The following TTLL11 variants were observed in gnomAD, a reference collection of about 807,000 sequenced individuals.
TTLL11 encodes the protein tubulin tyrosine ligase like 11.
Under a neutral mutation model 51.7 loss-of-function variants are expected in TTLL11, and 42 were observed. The observed-to-expected ratio is 0.81, with a 90% CI of 0.64 to 1.05. TTLL11 has a LOEUF of 1.05. Among genes scored for constraint, TTLL11 ranks in the 50% least tolerant of loss-of-function variants. The probability of loss-of-function intolerance (pLI) is 0.00; values close to 1 mark genes in which losing one functional copy is unlikely to be tolerated. For synonymous variants in TTLL11, 381 were observed against 383.5 expected (o/e 0.99, Z 0.08); for missense variants, 799 against 940.4 (o/e 0.85, Z 1.97).
At chr9:122,022,465 A>T (rs1012123939) in intron 3 of TTLL11, among the ~76,000 whole-genome samples, 5 of 152,090 alleles carry the variant, frequency 3.3e-5, no homozygotes, top group African/African-American at 1.2e-4. Context: ...TATAAGCAAG[A>T]AGACAGAAGA....
At chr9:121,934,457 A>G (rs1202886693) in intron 6 of TTLL11, among the ~76,000 whole-genome samples, 11 of 152,210 alleles carry the variant, frequency 7.2e-5, no homozygotes, top group Admixed American at 7.2e-4. Context: ...AATATCGTGA[A>G]GCTGTCAAGC....
intron 1 of TTLL11, among the ~76,000 whole-genome samples, chr9:122,042,607 A>G (rs1240798846): frequency 3.9e-5 from 6 of 152,212 alleles, no homozygotes; most frequent in African/African-American, 1.4e-4. Flanking sequence ...TTATATCCAC[A>G]CAAAAATCTG....
intron 6 of TTLL11, among the ~76,000 whole-genome samples, chr9:121,893,408 G>A (rs555330275): frequency 6.6e-6 from 1 of 152,112 alleles, no homozygotes; most frequent in Admixed American, 6.6e-5. Context: ...TTGTGACCAT[G>A]ATTTTACAAA....
rs901326909 is a variant in TTLL11 at position 121,847,319 on chromosome 9, A to T, written c.1840+13018T>A. Among the ~76,000 whole-genome samples, 5 of 152,126 alleles carry T rather than the reference A, an allele frequency of 3.3e-5. No individual in the cohort carries two copies. In the South Asian group the frequency reaches 1.0e-3, roughly 31 times the overall value. On this transcript the variant is annotated intron_variant, in intron 8 of 8. Coordinates refer to ENST00000321582, the MANE Select transcript of TTLL11 (RefSeq NM_001139442.2). The stretch of plus-strand genomic sequence containing the variant: ...AGCTGGTTCTTTGAAAAGCCTTAAG[A>T]TCAATAAAATTGATAAATCTCTAGC...
intron 6 of TTLL11, among the ~76,000 whole-genome samples, chr9:121,958,939 C>A (rs1842116334): frequency 6.6e-6 from 1 of 151,510 alleles, no homozygotes; most frequent in Admixed American, 6.6e-5. Context: ...ACTCAATAGT[C>A]CTTAATCACT....
intron 3 of TTLL11, among the ~76,000 whole-genome samples, chr9:122,002,170 C>T (rs1164014284): frequency 3.3e-5 from 5 of 152,196 alleles, no homozygotes; most frequent in East Asian, 1.9e-4. Context: ...AATGTTAGCC[C>T]GGCACCTGCT....
chr9:121,946,027 G>A (rs1374146012), intron 6 of TTLL11, among the ~76,000 whole-genome samples: 3 of 152,214 alleles, frequency 2.0e-5, no homozygotes, highest in Admixed American at 6.5e-5. Flanking sequence ...GAATGCATCC[G>A]ATGTGGTTCT....
chr9:121,905,650 G>C (rs1839918723), intron 6 of TTLL11, among the ~76,000 whole-genome samples: 1 of 152,140 alleles, frequency 6.6e-6, no homozygotes, highest in African/African-American at 2.4e-5. Flanking sequence ...ACTGCACCCA[G>C]CCATTTAACA....
chr9:122,039,739 G>A (rs942016006), intron 1 of TTLL11, among the ~76,000 whole-genome samples: 5 of 152,130 alleles, frequency 3.3e-5, no homozygotes, highest in African/African-American at 4.8e-5. Context: ...GAGCTGGTAA[G>A]GGGAGGAACC....
chr9:121,964,734 C>T lies in TTLL11; in HGVS notation c.1481+9275G>A, dbSNP rs549167867. ...CTCCTCGAGGCTCCCCCAACAGAGC[C>T]TTGTGCCTTTGTTTTCTTCACTAGG... On this transcript the variant is annotated intron_variant, in intron 6 of 8. Coordinates refer to ENST00000321582, the MANE Select transcript of TTLL11 (RefSeq NM_001139442.2). 3.9e-5 allele frequency among the ~76,000 whole-genome samples: 6 copies of T among 152,286 alleles called. No homozygotes were observed. In the South Asian group the frequency reaches 1.0e-3, roughly 26 times the overall value.
At chr9:121,957,650 C>T (rs1842061420) in intron 6 of TTLL11, among the ~76,000 whole-genome samples, 1 of 152,168 alleles carries the variant, frequency 6.6e-6, no homozygotes, top group Non-Finnish European at 1.5e-5. Flanking sequence ...GAGGCGTGCT[C>T]ACATGGAGCC....
intron 3 of TTLL11, among the ~76,000 whole-genome samples, chr9:122,002,782 C>A (rs531196325): frequency 6.6e-6 from 1 of 151,902 alleles, no homozygotes; most frequent in African/African-American, 2.4e-5. Flanking sequence ...CCCGTCTCTA[C>A]TAAAACTACA....
At chr9:121,883,715 G>A (rs754224061) in intron 6 of TTLL11, among the ~76,000 whole-genome samples, 2 of 152,176 alleles carry the variant, frequency 1.3e-5, no homozygotes, top group African/African-American at 2.4e-5. Flanking sequence ...CATCCAGACA[G>A]TTTGCAGTGG....
intron 8 of TTLL11, among the ~76,000 whole-genome samples, chr9:121,827,034 G>T (rs1836832749): frequency 6.6e-6 from 1 of 152,198 alleles, no homozygotes; most frequent in Non-Finnish European, 1.5e-5. Context: ...AGCCCCTGCA[G>T]GTGCTGGGCA....
chr9:121,952,902 T>C (rs1192079592), intron 6 of TTLL11, among the ~76,000 whole-genome samples: 1 of 152,224 alleles, frequency 6.6e-6, no homozygotes, highest in African/African-American at 2.4e-5. Context: ...ATGAAGGTGA[T>C]ATTTTGGCCC....
intron 6 of TTLL11, among the ~76,000 whole-genome samples, chr9:121,912,732 A>G (rs573025322): frequency 6.6e-6 from 1 of 152,218 alleles, no homozygotes; most frequent in East Asian, 1.9e-4. Context: ...CAGATATTCA[A>G]CACATACATG....
intron 6 of TTLL11, among the ~76,000 whole-genome samples, chr9:121,945,867 T>A (rs1384974951): frequency 2.6e-5 from 4 of 152,156 alleles, no homozygotes; most frequent in African/African-American, 9.7e-5. Flanking sequence ...CCCTGGAAAG[T>A]CACCCTTTCA....
intron 6 of TTLL11, among the ~76,000 whole-genome samples, chr9:121,899,074 C>CT: frequency 6.6e-6 from 1 of 152,236 alleles, no homozygotes; most frequent in Non-Finnish European, 1.5e-5. Context: ...CAATGAGCTG[C>CT]TTACATCACC....
chr9:121,914,712 C>G (rs752721365), intron 6 of TTLL11, among the ~76,000 whole-genome samples: 1 of 152,184 alleles, frequency 6.6e-6, no homozygotes, highest in Non-Finnish European at 1.5e-5. Flanking sequence ...CTCCTGCCTG[C>G]GCTCCTGCAG....
Sources: allele counts gnomAD v4.1 joint callset (sites outside exome capture counted in the v4.1 genomes callset), GRCh38; gene constraint gnomAD v4.1.1; transcripts MANE v1.5; gene names NCBI Gene and HGNC (gene_info 2026-07-23, HGNC 2026-07-21).